The following ABTB2 variants were observed in gnomAD, a reference collection of about 807,000 sequenced individuals.
ABTB2 encodes ankyrin repeat and BTB/POZ domain-containing protein 2.
ABTB2 carries 56 observed loss-of-function variants against 104.1 expected under a neutral mutation model. The observed-to-expected ratio is 0.54, with a 90% CI of 0.43 to 0.67. The LOEUF (loss-of-function observed/expected upper bound fraction) is 0.67. Among genes scored for constraint, ABTB2 ranks in the 30% least tolerant of loss-of-function variants. The probability of loss-of-function intolerance (pLI) is 0.00; values close to 1 mark genes in which losing one functional copy is unlikely to be tolerated. For synonymous variants in ABTB2, 606 were observed against 608.2 expected, an observed-to-expected ratio of 1.00 and a Z score of 0.05; for missense variants, 1,279 against 1,407.7, an observed-to-expected ratio of 0.91 and a Z score of 1.46.
At chr11:34,275,483 C>CT (rs377691429) in intron 1 of ABTB2, among the ~76,000 whole-genome samples, 43 of 148,946 alleles carry the variant, frequency 2.9e-4, no homozygotes, top group Non-Finnish European at 3.6e-4. Flanking sequence ...ACAGGGCTCT[C>CT]TTTTTTTTTT....
At chr11:34,244,345 T>C (rs139287793) in intron 1 of ABTB2, among the ~76,000 whole-genome samples, 86 of 152,248 alleles carry the variant, frequency 5.6e-4, no homozygotes, top group African/African-American at 2.0e-3. Flanking sequence ...GGCTGACCGA[T>C]AGTGGGAAAA....
intron 1 of ABTB2, among the ~76,000 whole-genome samples, chr11:34,294,337 AAG>A (rs1261517301): frequency 6.6e-6 from 1 of 152,144 alleles, no homozygotes; most frequent in Non-Finnish European, 1.5e-5. Flanking sequence ...TCAAAAAGAA[AAG>A]AGAGAGATCA....
At chr11:34,353,674 T>C (rs555742218) in intron 1 of ABTB2, among the ~76,000 whole-genome samples, 1 of 152,320 alleles carries the variant, frequency 6.6e-6, no homozygotes, top group East Asian at 1.9e-4. Context: ...GCATTCTGAG[T>C]AATGGACAGG....
chr11:34,166,300 G>A (rs745809), intron 7 of ABTB2, among the ~76,000 whole-genome samples: 4,967 of 152,360 alleles, frequency 0.033, 245 homozygotes, highest in African/African-American at 0.11. Context: ...CACTGGAGAT[G>A]CAGCAGTCAG....
intron 1 of ABTB2, among the ~76,000 whole-genome samples, chr11:34,321,572 T>G (rs899318796): frequency 1.3e-5 from 2 of 152,182 alleles, no homozygotes; most frequent in Non-Finnish European, 2.9e-5. Flanking sequence ...CGTTATTGTC[T>G]CCTGTAAGAA....
chr11:34,155,989 G>A (rs1436790744), intron 14 of ABTB2, among the ~76,000 whole-genome samples: 1 of 152,242 alleles, frequency 6.6e-6, no homozygotes, highest in Non-Finnish European at 1.5e-5. Flanking sequence ...CTCATACAGG[G>A]TTGGGGTTAG....
chr11:34,220,172 G>A (rs1033812572), intron 1 of ABTB2, among the ~76,000 whole-genome samples: 1 of 152,220 alleles, frequency 6.6e-6, no homozygotes, highest in African/African-American at 2.4e-5. Flanking sequence ...GTCATTCCCA[G>A]CATCTTGGAG....
At chr11:34,285,887 C>G (rs1337494149) in intron 1 of ABTB2, among the ~76,000 whole-genome samples, 1 of 152,156 alleles carries the variant, frequency 6.6e-6, no homozygotes, top group Admixed American at 6.5e-5. Context: ...CTGGGATGGT[C>G]TAAACTTGAT....
At chr11:34,353,535 T>C (rs372952982) in intron 1 of ABTB2, among the ~76,000 whole-genome samples, 24 of 152,236 alleles carry the variant, frequency 1.6e-4, no homozygotes, top group African/African-American at 5.1e-4. Context: ...TGCCATGGGA[T>C]TGGGGACATC....
chr11:34,357,314 C>T lies in ABTB2; in HGVS notation c.270G>A (p.Arg90=). Residue 90 remains arginine (R), a synonymous_variant, in exon 1 of 17, where the codon CGG becomes CGA. Coordinates refer to ENST00000435224, the MANE Select transcript of ABTB2 (RefSeq NM_145804.3). ...AGGGGAACTCCTCCAGCTCGGGGAG[C>T]CGCGGACAGCGCGAGAAGAGGTCGG... The part of the protein sequence containing the change: ...EVADLFSRCP[R]LPELEEFPWT... The T allele has an allele frequency of 6.6e-7, 1 of 1,513,484 alleles. No individual in the cohort carries two copies. The highest frequency in any genetic ancestry group is 8.9e-7 in the Non-Finnish European group (1 of 1,125,586). 93.8% of individuals were successfully genotyped at this position (1,513,484 alleles called of 1,614,324 possible).
Position 34,173,290 on chromosome 11 carries a change from G to A in ABTB2, c.1262C>T (p.Pro421Leu), listed in dbSNP as rs769711745. The A allele has an allele frequency of 5.0e-6, 8 of 1,600,238 alleles. No homozygotes were observed. In the Admixed American group the frequency reaches 8.7e-5, roughly 17 times the overall value. The stretch of plus-strand genomic sequence containing the variant: ...CACGCGCATCCACTCCATGAGGGGC[G>A]GCAGCAGCATGAAGGGCCTGTGGGG... ...LNNERPFMLLPPLMEWMRVAI... is the reference protein window; with the variant it reads ...LNNERPFMLLLPLMEWMRVAI... The change falls in exon 4 of 17, where the codon CCG becomes CTG. Residue 421 changes from proline to leucine, a missense_variant. Coordinates refer to ENST00000435224, the MANE Select transcript of ABTB2 (RefSeq NM_145804.3).
intron 1 of ABTB2, chr11:34,335,164 T>A: frequency 7.9e-7 from 1 of 1,268,506 alleles, no homozygotes; most frequent in Middle Eastern, 1.9e-4. Context: ...GTTGCATTAG[T>A]GAAGATGCTT....
intron 3 of ABTB2, among the ~76,000 whole-genome samples, chr11:34,195,192 T>C (rs1853240496): frequency 6.6e-6 from 1 of 151,370 alleles, no homozygotes; most frequent in Non-Finnish European, 1.5e-5. Context: ...AGAAGGCGCC[T>C]GTCCTCCCAG....
intron 1 of ABTB2, among the ~76,000 whole-genome samples, chr11:34,303,706 G>A (rs1023577876): frequency 1.5e-5 from 2 of 131,976 alleles, no homozygotes; most frequent in Non-Finnish European, 3.0e-5. Flanking sequence ...GCAGTGGCGT[G>A]ATCTCAGCTC....
At chr11:34,230,986 C>T (rs2926464) in intron 1 of ABTB2, among the ~76,000 whole-genome samples, 105,509 of 152,022 alleles carry the variant, frequency 0.69, 36,694 homozygotes, top group Middle Eastern at 0.8. Context: ...GCTGGGGTTA[C>T]AGGCATGAGC....
At chr11:34,284,351 G>A (rs73497337) in intron 1 of ABTB2, among the ~76,000 whole-genome samples, 2 of 152,182 alleles carry the variant, frequency 1.3e-5, no homozygotes, top group Non-Finnish European at 2.9e-5. Flanking sequence ...ATGATTTAAT[G>A]TTCTTATCAA....
At chr11:34,197,825 T>C (rs1314723114) in intron 2 of ABTB2, among the ~76,000 whole-genome samples, 2 of 152,100 alleles carry the variant, frequency 1.3e-5, no homozygotes, top group African/African-American at 2.4e-5. Flanking sequence ...ATCCCCACTC[T>C]CTCCACCACC....
intron 1 of ABTB2, among the ~76,000 whole-genome samples, chr11:34,342,210 T>C (rs1004375831): frequency 6.6e-6 from 1 of 152,194 alleles, no homozygotes; most frequent in African/African-American, 2.4e-5. Context: ...AGAGAAACAA[T>C]GTGCTTCATA....
At chr11:34,223,887 C>T (rs980089165) in intron 1 of ABTB2, among the ~76,000 whole-genome samples, 7 of 152,202 alleles carry the variant, frequency 4.6e-5, no homozygotes, top group African/African-American at 1.7e-4. Flanking sequence ...ACTGTGTCTA[C>T]ACCCTGTAAA....
Sources: allele counts gnomAD v4.1 joint callset (sites outside exome capture counted in the v4.1 genomes callset), GRCh38; gene constraint gnomAD v4.1.1; transcripts MANE v1.5; gene names NCBI Gene and HGNC (gene_info 2026-07-23, HGNC 2026-07-21).